PDHX: variants seen among roughly 807,000 people sequenced by gnomAD.
PDHX encodes the protein pyruvate dehydrogenase complex component X.
PDHX carries 33 observed loss-of-function variants against 55.3 expected under a neutral mutation model. That is an observed-to-expected ratio of 0.60 (90% CI 0.45 to 0.80). The LOEUF (loss-of-function observed/expected upper bound fraction) is 0.80. PDHX is among the 30% of genes least tolerant of loss of function. The pLI is 0.00. For missense variants in PDHX, 622 were observed against 619.9 expected (o/e 1.00, Z -0.04); for synonymous variants, 226 against 219.4 (o/e 1.03, Z -0.27).
chr11:34,949,935 G>C (rs1233155659), intron 3 of PDHX, among the ~76,000 whole-genome samples: 1 of 151,782 alleles, frequency 6.6e-6, no homozygotes, highest in Non-Finnish European at 1.5e-5. Flanking sequence ...AGCATCCATG[G>C]ATATTAAAAC....
chr11:34,967,033 G>A (rs1307105932), intron 6 of PDHX, among the ~76,000 whole-genome samples: 1 of 151,874 alleles, frequency 6.6e-6, no homozygotes, highest in African/African-American at 2.4e-5. Context: ...TGTATTTTTA[G>A]TAGAGACGGG....
intron 9 of PDHX, among the ~76,000 whole-genome samples, chr11:34,985,840 G>GC (rs1219142685): frequency 6.6e-6 from 1 of 152,082 alleles, no homozygotes; most frequent in African/African-American, 2.4e-5. Flanking sequence ...AGAAATAAGT[G>GC]CAAGTTAATC....
intron 3 of PDHX, among the ~76,000 whole-genome samples, chr11:34,952,129 A>G (rs1293350160): frequency 1.3e-5 from 2 of 151,538 alleles, no homozygotes; most frequent in East Asian, 3.8e-4. Context: ...ACACTCTCCC[A>G]AGGCTAAACC....
rs144218051 is a variant in PDHX at position 34,994,719 on chromosome 11, TTATC to T, written c.1248-191_1248-188del. ...TAAATTTACTTATTAATTTTACTAG[TTATC>T]TATAGTCTCATTTTTCCTGTGTACA... On this transcript the variant is annotated intron_variant, in intron 10 of 10. Transcript: ENST00000227868. Among the ~76,000 whole-genome samples, 346 of 152,364 alleles carry T rather than the reference TTATC, an allele frequency of 2.3e-3. 1 individual carries two copies. Among genetic ancestry groups the T allele is most frequent in the African/African-American group, 7.8e-3 (323 of 41,592 alleles).
intron 2 of PDHX, among the ~76,000 whole-genome samples, chr11:34,946,196 A>G (rs143362074): frequency 0.01 from 1,548 of 152,060 alleles, 31 homozygotes; most frequent in African/African-American, 0.034. Flanking sequence ...CCCTGTCTAG[A>G]ATATATTCTG....
Position 34,942,741 on chromosome 11 carries a change from A to T in PDHX, c.242-4765A>T, listed in dbSNP as rs12288060. Among the ~76,000 whole-genome samples the T allele has an allele frequency of 8.0e-3, 1,224 of 152,260 alleles. 16 individuals carry two copies. The highest frequency in any genetic ancestry group is 0.028 in the African/African-American group (1,161 of 41,542). ...TAATGCTTCCATACGTAATATTACTATGTTTTTAAAACTTCCCTGTGATTT... is the reference window on the plus strand; with the variant it reads ...TAATGCTTCCATACGTAATATTACTTTGTTTTTAAAACTTCCCTGTGATTT... On this transcript the variant is annotated intron_variant, in intron 2 of 10. Coordinates refer to ENST00000227868, the MANE Select transcript of PDHX (RefSeq NM_003477.3).
chr11:34,922,116 T>G (rs1434168397), intron 1 of PDHX, among the ~76,000 whole-genome samples: 3 of 152,218 alleles, frequency 2.0e-5, no homozygotes, highest in African/African-American at 7.2e-5. Context: ...CACAGCAGAA[T>G]TTTCTTATAT....
At chr11:34,987,103 C>T in intron 9 of PDHX, among the ~76,000 whole-genome samples, 1 of 152,194 alleles carries the variant, frequency 6.6e-6, no homozygotes, top group East Asian at 1.9e-4. Flanking sequence ...GATTCTAGAG[C>T]CACTGCTTAA....
rs1304196512 is a variant in PDHX at position 34,947,549 on chromosome 11, T to C, written c.285T>C (p.Thr95=). The C allele has an allele frequency of 3.1e-6, 5 of 1,613,596 alleles. No homozygotes were observed. The highest frequency in any genetic ancestry group is 2.7e-5 in the African/African-American group (2 of 75,048). The change falls in exon 3 of 11, where the codon ACT becomes ACC. Residue 95 remains threonine (T), a synonymous_variant. Coordinates refer to ENST00000227868, the MANE Select transcript of PDHX (RefSeq NM_003477.3). ...GAGATGCATTATGTGAAATTGAGAC[T>C]GACAAAGCTGTGGTTACCTTAGATG... ...SAGDALCEIE[T]DKAVVTLDAS...
In PDHX at chr11:34,961,409, T is replaced by C. The variant is rs114079455; in HGVS notation, c.641+891T>C. On this transcript the variant is annotated intron_variant, in intron 5 of 10. Coordinates refer to ENST00000227868, the MANE Select transcript of PDHX (RefSeq NM_003477.3). ...CTAATGTAAGATTTCAGTAGTGTTA[T>C]GTGCTACATTTTTATTGGCAGTAAT... Among the ~76,000 whole-genome samples, 780 of 152,382 alleles carry C rather than the reference T, an allele frequency of 5.1e-3. 7 individuals are homozygous for C. The highest frequency in any genetic ancestry group is 0.018 in the African/African-American group (740 of 41,590).
At chr11:34,941,711 C>T (rs1854488433) in intron 2 of PDHX, 1 of 153,960 alleles carries the variant, frequency 6.5e-6, no homozygotes, top group African/African-American at 2.4e-5. Flanking sequence ...ATAAACATCA[C>T]CATTAACTGT....
chr11:34,929,028 T>C (rs1373048921), intron 1 of PDHX, among the ~76,000 whole-genome samples: 1 of 152,224 alleles, frequency 6.6e-6, no homozygotes, highest in African/African-American at 2.4e-5. Context: ...TCAGTGAAAC[T>C]GTTTCAGCTA....
intron 1 of PDHX, among the ~76,000 whole-genome samples, chr11:34,922,947 T>C (rs1853928370): frequency 6.6e-6 from 1 of 151,842 alleles, no homozygotes; most frequent in African/African-American, 2.4e-5. Context: ...TTCTTTTGGC[T>C]CTTCTCCCAA....
At chr11:34,993,740 A>G (rs1002149207) in intron 10 of PDHX, among the ~76,000 whole-genome samples, 9 of 152,030 alleles carry the variant, frequency 5.9e-5, no homozygotes, top group Non-Finnish European at 1.3e-4. Flanking sequence ...CGTATTTCCA[A>G]ATAAATTGTA....
At chr11:34,917,688 G>GAA (rs557667552) in intron 1 of PDHX, among the ~76,000 whole-genome samples, 1 of 149,184 alleles carries the variant, frequency 6.7e-6, no homozygotes, top group Non-Finnish European at 1.5e-5. Flanking sequence ...CTTAGGCTCA[G>GAA]AAAAAAAAAA....
intron 3 of PDHX, among the ~76,000 whole-genome samples, chr11:34,953,870 A>G (rs1313938933): frequency 1.3e-5 from 2 of 152,216 alleles, no homozygotes; most frequent in Non-Finnish European, 2.9e-5. Context: ...AAATGAGTTA[A>G]TGCTGTGCTG....
intron 2 of PDHX, among the ~76,000 whole-genome samples, chr11:34,936,499 A>G (rs906101323): frequency 6.6e-6 from 1 of 152,320 alleles, no homozygotes; most frequent in Middle Eastern, 3.4e-3. Flanking sequence ...TAGTATTTGA[A>G]CTGGTCCTTG....
intron 8 of PDHX, among the ~76,000 whole-genome samples, chr11:34,980,348 G>GTTTATTTTTTTTTTTT (rs1319243948): frequency 3.3e-5 from 1 of 30,536 alleles, no homozygotes; most frequent in African/African-American, 1.2e-4. Flanking sequence ...GTTTAAGATA[G>GTTTATTTTTTTTTTTT]TTTCTTTTTT....
At chr11:34,960,605 C>A in intron 5 of PDHX, 87 bp downstream of exon 5, 1 of 770,898 alleles carries the variant, frequency 1.3e-6, no homozygotes, top group South Asian at 1.6e-5. Flanking sequence ...CTTATTCAGT[C>A]TTAAGATTTA....
Sources: allele counts gnomAD v4.1 joint callset (sites outside exome capture counted in the v4.1 genomes callset), GRCh38; gene constraint gnomAD v4.1.1; transcripts MANE v1.5; gene names NCBI Gene and HGNC (gene_info 2026-07-23, HGNC 2026-07-21).